Variants in RUVBL1 observed in about 807,000 individuals in gnomAD.
The protein encoded by RUVBL1 is RuvB like AAA ATPase 1, also known as ruvB-like 1.
Under a neutral mutation model 52.4 loss-of-function variants are expected in RUVBL1, and 4 were observed. The observed-to-expected ratio is 0.08, with a 90% confidence interval of 0.04 to 0.17. The LOEUF is 0.17. Among genes scored for constraint, RUVBL1 ranks in the 10% least tolerant of loss-of-function variants. The pLI, the probability that RUVBL1 is intolerant of heterozygous loss-of-function variation, is 1.00. For synonymous variants in RUVBL1, 217 were observed against 214.4 expected (o/e 1.01, Z -0.10); for missense variants, 298 against 572.8 (o/e 0.52, Z 4.90).
chr3:128,130,483 A>G (rs1943856032), intron 1 of RUVBL1, among the ~76,000 whole-genome samples: 1 of 151,744 alleles, frequency 6.6e-6, no homozygotes, highest in South Asian at 2.1e-4. Context: ...ACACCAGGCC[A>G]GGAGCAATGG....
In RUVBL1 at chr3:128,087,790, T is replaced by C. The variant is rs1426496388; in HGVS notation, c.1035A>G (p.Thr345=). 1.9e-6 allele frequency: 3 copies of C among 1,613,978 alleles called. No homozygotes were observed. The Admixed American group carries it at 5.0e-5, about 27-fold the overall frequency. Residue 345 remains threonine, a synonymous_variant, in exon 9 of 11, where the codon ACA becomes ACG. Coordinates refer to ENST00000322623, the MANE Select transcript of RUVBL1 (RefSeq NM_003707.3). Reference sequence around the variant, plus strand: ...GGTCAAGAGGGATGCCGTGAGGGGATGTGATGTCCTCAGTGCCTCTGTAAG... The same window carrying C: ...GGTCAAGAGGGATGCCGTGAGGGGACGTGATGTCCTCAGTGCCTCTGTAAG... ...NCVIRGTEDI[T]SPHGIPLDLL...
chr3:128,069,493 C>A, intron 9 of RUVBL1: 1 of 1,612,438 alleles, frequency 6.2e-7, no homozygotes, highest in Non-Finnish European at 8.5e-7. Flanking sequence ...CCCACAGCCG[C>A]GGCCTTTGGT....
At chr3:128,072,737 G>C (rs1443489488) in intron 9 of RUVBL1, among the ~76,000 whole-genome samples, 4 of 152,172 alleles carry the variant, frequency 2.6e-5, no homozygotes, top group Non-Finnish European at 5.9e-5. Flanking sequence ...TGCTGCCCCA[G>C]GGAAGCAGTA....
chr3:128,153,907 G>T, exon 1 of RUVBL1: 1 of 1,417,438 alleles, frequency 7.1e-7, no homozygotes, highest in Non-Finnish European at 9.1e-7. Context: ...TCGAGCCTTT[G>T]CCGGGACGGG....
chr3:128,065,304 T>C, intron 9 of RUVBL1: 1 of 596,634 alleles, frequency 1.7e-6, no homozygotes, highest in Non-Finnish European at 3.0e-6. Context: ...ACAGGTAAGA[T>C]ACATTTTTAA....
At chr3:128,094,085 C>G (rs1024535033) in intron 8 of RUVBL1, among the ~76,000 whole-genome samples, 1 of 152,184 alleles carries the variant, frequency 6.6e-6, no homozygotes, top group Non-Finnish European at 1.5e-5. Context: ...TAACTTTGCA[C>G]TCACTTTTTC....
chr3:128,123,212 A>T (rs1329307220), intron 1 of RUVBL1, among the ~76,000 whole-genome samples: 2 of 152,174 alleles, frequency 1.3e-5, no homozygotes, highest in Non-Finnish European at 2.9e-5. Context: ...TTATTGGTGT[A>T]CACGTTTATC....
chr3:128,081,681 T>G lies in RUVBL1; in HGVS notation c.1212-272A>C. 1 of 404,418 alleles carries G rather than the reference T, an allele frequency of 2.5e-6. No homozygotes were observed. The highest frequency in any genetic ancestry group is 4.4e-6 in the Non-Finnish European group (1 of 225,714). The allele number at this position is 404,418 out of a possible 1,614,324, so 25.1% of individuals were successfully genotyped here. Reference sequence around the variant, plus strand: ...AGTCTACAAATCCTCCAGTAGGAAGTAATGTCACTGCTACTGGAAAAGGAC... The same window carrying G: ...AGTCTACAAATCCTCCAGTAGGAAGGAATGTCACTGCTACTGGAAAAGGAC... On this transcript the variant is annotated intron_variant, in intron 10 of 10. Coordinates refer to ENST00000322623, the MANE Select transcript of RUVBL1 (RefSeq NM_003707.3). This position sits in a 1 kb window ranked among gnomAD's most constrained non-coding sequence, Gnocchi z 4.8.
At chr3:128,097,986 C>G (rs1943024305) in intron 7 of RUVBL1, among the ~76,000 whole-genome samples, 2 of 152,272 alleles carry the variant, frequency 1.3e-5, no homozygotes, top group Non-Finnish European at 2.9e-5. Flanking sequence ...AATTAACTTT[C>G]AATCAAGTGC....
chr3:128,136,555 G>A (rs1257768789), intron 1 of RUVBL1, among the ~76,000 whole-genome samples: 1 of 151,256 alleles, frequency 6.6e-6, no homozygotes, highest in Non-Finnish European at 1.5e-5. Context: ...GACCCTGGAA[G>A]GTCAAGGCTG....
chr3:128,078,645 G>A (rs1035361263), downstream of RUVBL1: 1 of 148,542 alleles, frequency 6.7e-6, no homozygotes, highest in Non-Finnish European at 1.5e-5. Context: ...TTTCACACTG[G>A]AGCTGAAATA....
rs145933821 is a variant in RUVBL1 at position 128,089,179 on chromosome 3, G to T, written c.1017-1371C>A. ...TATATATTATTTTACTTCTTTTTGA[G>T]AAGGGTCCAATCCCATCTTTTGCCT... On this transcript the variant is annotated intron_variant, in intron 8 of 10. Transcript: ENST00000322623. Among the ~76,000 whole-genome samples the T allele has an allele frequency of 2.0e-3, 305 of 152,312 alleles. 3 individuals are homozygous for T. The highest frequency in any genetic ancestry group is 6.8e-3 in the African/African-American group (281 of 41,572).
At chr3:128,119,547 G>T (rs1287125399) in intron 1 of RUVBL1, 133 bp from the exon 2 acceptor site, 3 of 644,126 alleles carry the variant, frequency 4.7e-6, no homozygotes, top group Non-Finnish European at 7.7e-6. Context: ...TGCAGTCACT[G>T]TTCTAGGTGC....
At chr3:128,119,564 T>C in intron 1 of RUVBL1, 150 bp from the exon 2 acceptor site, 1 of 577,760 alleles carries the variant, frequency 1.7e-6, no homozygotes, top group Non-Finnish European at 3.0e-6. Flanking sequence ...GTGCCGAGGG[T>C]AACGAAGGCA....
intron 8 of RUVBL1, among the ~76,000 whole-genome samples, chr3:128,088,463 T>C (rs1942724161): frequency 6.7e-6 from 1 of 148,730 alleles, no homozygotes; most frequent in Non-Finnish European, 1.5e-5. Context: ...TTATACTCTA[T>C]AGTATAATAT....
intron 8 of RUVBL1, among the ~76,000 whole-genome samples, chr3:128,093,026 G>A (rs1942880729): frequency 6.6e-6 from 1 of 150,736 alleles, no homozygotes; most frequent in African/African-American, 2.4e-5. Context: ...AAAAGAAAAA[G>A]AAAAAGAAAG....
intron 1 of RUVBL1, among the ~76,000 whole-genome samples, chr3:128,120,557 AG>A (rs1423833878): frequency 6.6e-6 from 1 of 152,192 alleles, no homozygotes; most frequent in Admixed American, 6.5e-5. Context: ...TCTATATCTC[AG>A]GATTACATAA....
chr3:128,150,913 C>CTATATATTATATATATTATATATTCTA (rs1264920870), intron 1 of RUVBL1, among the ~76,000 whole-genome samples: 15 of 62,012 alleles, frequency 2.4e-4, no homozygotes, highest in African/African-American at 1.1e-3. Context: ...ATATAATATT[C>CTATATATTATATATATTATATATTCTA]TATATTATAT....
downstream of RUVBL1, among the ~76,000 whole-genome samples, chr3:128,076,783 C>T (rs1219336673): frequency 1.3e-5 from 2 of 152,068 alleles, no homozygotes; most frequent in Non-Finnish European, 2.9e-5. This position sits in a 1 kb window ranked among gnomAD's most constrained non-coding sequence, Gnocchi z 6.8. Context: ...GCCGTGTCCC[C>T]CGTTCCCTGC....
Sources: allele counts gnomAD v4.1 joint callset (sites outside exome capture counted in the v4.1 genomes callset), GRCh38; gene constraint gnomAD v4.1.1; non-coding constraint Gnocchi (gnomAD v3.1); transcripts MANE v1.5; gene names NCBI Gene and HGNC (gene_info 2026-07-23, HGNC 2026-07-21).